Variants in ARMC3 observed in about 807,000 individuals in gnomAD.
ARMC3 encodes the protein armadillo repeat-containing protein 3.
ARMC3 carries 74 observed loss-of-function variants against 90.3 expected under a neutral mutation model. The ratio of observed to expected loss-of-function variants is 0.82; its 90% CI spans 0.68 to 0.99. The LOEUF (loss-of-function observed/expected upper bound fraction) is 0.99, where lower values mean the gene tolerates loss of function less well. ARMC3 is among the 50% of genes least tolerant of loss of function. The pLI, the probability that ARMC3 is intolerant of heterozygous loss-of-function variation, is 0.00. For missense variants in ARMC3, 958 were observed against 1,042.8 expected (o/e 0.92, Z 1.12); for synonymous variants, 334 against 361.8 (o/e 0.92, Z 0.87).
At chr10:22,981,732 T>A (rs781409559) in intron 10 of ARMC3, 32 bp downstream of exon 10, 1 of 1,554,774 alleles carries the variant, frequency 6.4e-7, no homozygotes. Flanking sequence ...CAGCACTGAC[T>A]TGTGGGACAA....
intron 8 of ARMC3, among the ~76,000 whole-genome samples, chr10:22,980,646 T>C (rs957092581): frequency 2.8e-4 from 43 of 152,134 alleles, no homozygotes; most frequent in African/African-American, 1.0e-3. Context: ...GAAAACAATG[T>C]TTAGGGAACA....
At position 22,944,793 on chromosome 10, in the gene ARMC3, T is replaced by C. The variant is rs562190213; in HGVS notation, c.49-1351T>C. Among the ~76,000 whole-genome samples the C allele has an allele frequency of 2.6e-4, 40 of 152,288 alleles. No individual in the cohort carries two copies. In the South Asian group the frequency reaches 8.1e-3, roughly 31 times the overall value. The stretch of plus-strand genomic sequence containing the variant: ...TTTCCAGGGCCTTCTGCTCTCATGA[T>C]TAGTGTTGCAGCCAGCATCCCAGCC... On this transcript the variant is annotated intron_variant, in intron 2 of 18. Transcript: ENST00000298032.
chr10:22,947,867 T>G (rs549933580), intron 3 of ARMC3, among the ~76,000 whole-genome samples: 1 of 152,332 alleles, frequency 6.6e-6, no homozygotes, highest in African/African-American at 2.4e-5. Context: ...CTGAAAGGTT[T>G]ATTCATAGAG....
intron 16 of ARMC3, among the ~76,000 whole-genome samples, chr10:23,016,063 C>G (rs7901180): frequency 6.6e-6 from 1 of 152,152 alleles, no homozygotes; most frequent in African/African-American, 2.4e-5. Context: ...CTTTGAACAA[C>G]GCCTTGTTCC....
chr10:23,000,029 C>T (rs12763296), intron 11 of ARMC3, among the ~76,000 whole-genome samples: 8,391 of 152,020 alleles, frequency 0.055, 262 homozygotes, highest in African/African-American at 0.068. Context: ...TTACTTTTTT[C>T]CCTCCCCTCC....
chr10:23,009,211 A>G (rs1315557756), intron 16 of ARMC3, among the ~76,000 whole-genome samples: 1 of 152,176 alleles, frequency 6.6e-6, no homozygotes, highest in East Asian at 1.9e-4. Context: ...CAACAGGGAC[A>G]GCAGTCTCTA....
At chr10:23,002,082 G>A (rs1310210097) in intron 12 of ARMC3, 27 bp downstream of exon 12, 3 of 1,610,370 alleles carry the variant, frequency 1.9e-6, no homozygotes, top group South Asian at 2.2e-5. Flanking sequence ...TCAAGTTTCT[G>A]GCTCAGATGA....
intron 16 of ARMC3, among the ~76,000 whole-genome samples, chr10:23,009,828 C>A (rs940084561): frequency 6.6e-6 from 1 of 152,150 alleles, no homozygotes; most frequent in Non-Finnish European, 1.5e-5. Context: ...AAACATACTT[C>A]TTCTATGAGA....
chr10:22,984,980 C>T (rs1006386753), intron 10 of ARMC3, among the ~76,000 whole-genome samples: 1 of 151,674 alleles, frequency 6.6e-6, no homozygotes, highest in Admixed American at 6.6e-5. Context: ...TCAAGCGATC[C>T]TCCTGCCTCA....
chr10:22,943,983 G>A (rs1171775901), intron 2 of ARMC3, among the ~76,000 whole-genome samples: 1 of 151,776 alleles, frequency 6.6e-6, no homozygotes, highest in East Asian at 1.9e-4. Flanking sequence ...GCAGCATTTA[G>A]TAAGCTAAAC....
chr10:22,975,148 G>C (rs1051697064), intron 8 of ARMC3, among the ~76,000 whole-genome samples: 2 of 152,152 alleles, frequency 1.3e-5, no homozygotes, highest in Admixed American at 6.5e-5. Context: ...ATATCCAATA[G>C]TGATATGCTT....
intron 7 of ARMC3, among the ~76,000 whole-genome samples, chr10:22,962,478 G>A (rs1472817295): frequency 6.6e-6 from 1 of 152,170 alleles, no homozygotes; most frequent in Admixed American, 6.5e-5. Context: ...CTTTAAGAAT[G>A]TCTGTGCCTT....
chr10:22,948,566 G>A (rs540660008), intron 3 of ARMC3, among the ~76,000 whole-genome samples: 11 of 152,086 alleles, frequency 7.2e-5, no homozygotes, highest in African/African-American at 2.4e-4. Context: ...TACTCTATTG[G>A]TGGAAACAAT....
At chr10:22,973,846 C>T (rs1305492471) in intron 8 of ARMC3, among the ~76,000 whole-genome samples, 2 of 150,092 alleles carry the variant, frequency 1.3e-5, no homozygotes, top group African/African-American at 4.9e-5. Flanking sequence ...CCAAGCTCCA[C>T]CTCCCAGATT....
chr10:22,933,179 G>T (rs1833994333), intron 2 of ARMC3, among the ~76,000 whole-genome samples: 1 of 152,146 alleles, frequency 6.6e-6, no homozygotes, highest in South Asian at 2.1e-4. Flanking sequence ...AGGCTTTGCA[G>T]GGGTAGACAT....
intron 16 of ARMC3, among the ~76,000 whole-genome samples, chr10:23,023,711 T>C (rs777775785): frequency 6.6e-6 from 1 of 151,990 alleles, no homozygotes; most frequent in Non-Finnish European, 1.5e-5. Flanking sequence ...ATAAAAAGTC[T>C]CACTGGAAGG....
intron 4 of ARMC3, among the ~76,000 whole-genome samples, chr10:22,956,807 A>AATTATAT (rs886189293): frequency 6.7e-6 from 1 of 148,292 alleles, no homozygotes; most frequent in Non-Finnish European, 1.5e-5. Flanking sequence ...ATTAATATGT[A>AATTATAT]ATTATATATT....
intron 7 of ARMC3, among the ~76,000 whole-genome samples, chr10:22,968,036 C>T (rs1236122727): frequency 6.6e-6 from 1 of 152,194 alleles, no homozygotes; most frequent in Non-Finnish European, 1.5e-5. Context: ...GTATGAGCAA[C>T]TTCATTGACT....
chr10:22,955,916 A>G lies in ARMC3; in HGVS notation c.276A>G (p.Gly92=). Residue 92 remains glycine, a synonymous_variant, in exon 4 of 19, where the codon GGA becomes GGG. Transcript: ENST00000298032. The part of the protein sequence containing the change: ...IVRRNATMIF[G]ILASNNDVKK... ...GAAGAAATGCTACTATGATATTTGGAATCCTGGCTTCTAATAGTAAGTATC... is the reference window on the plus strand; with the variant it reads ...GAAGAAATGCTACTATGATATTTGGGATCCTGGCTTCTAATAGTAAGTATC... The G allele has an allele frequency of 6.2e-7, 1 of 1,605,978 alleles. No individual in the cohort carries two copies. The highest frequency in any genetic ancestry group is 8.5e-7 in the Non-Finnish European group (1 of 1,172,932).
Sources: allele counts gnomAD v4.1 joint callset (sites outside exome capture counted in the v4.1 genomes callset), GRCh38; gene constraint gnomAD v4.1.1; transcripts MANE v1.5; gene names NCBI Gene and HGNC (gene_info 2026-07-23, HGNC 2026-07-21).